Variants in TBC1D5 observed in about 807,000 individuals in gnomAD.
TBC1D5 encodes the protein TBC1 domain family, member 5.
TBC1D5 carries 75 observed loss-of-function variants against 100.3 expected under a neutral mutation model. That is an observed-to-expected ratio of 0.75 (90% CI 0.62 to 0.91). The LOEUF (loss-of-function observed/expected upper bound fraction) is 0.91. Among genes scored for constraint, TBC1D5 ranks in the 40% least tolerant of loss-of-function variants. TBC1D5 has a pLI of 0.00. For missense variants in TBC1D5, 910 were observed against 942.4 expected (o/e 0.97, Z 0.45); for synonymous variants, 323 against 325.6 (o/e 0.99, Z 0.09).
chr3:17,565,812 A>G (rs2096590061), intron 2 of TBC1D5, among the ~76,000 whole-genome samples: 1 of 152,056 alleles, frequency 6.6e-6, no homozygotes, highest in Non-Finnish European at 1.5e-5. Flanking sequence ...ACATTTTCAC[A>G]AAGGGAAGAA....
Position 17,527,120 on chromosome 3 carries a change from G to A in TBC1D5, c.-35-18515C>T, listed in dbSNP as rs371641448. Among the ~76,000 whole-genome samples, 17 of 152,256 alleles carry A rather than the reference G, an allele frequency of 1.1e-4. No homozygotes were observed. The East Asian group carries it at 1.2e-3, about 10-fold the overall frequency. On this transcript the variant is annotated intron_variant, in intron 2 of 21. Transcript: ENST00000253692. The stretch of plus-strand genomic sequence containing the variant: ...ACAGTAAGACAAGGATAAAGAGTTC[G>A]CATATCAAGTAGCAACAACACATGA...
intron 21 of TBC1D5, among the ~76,000 whole-genome samples, chr3:17,163,512 C>T (rs916942577): frequency 7.9e-5 from 12 of 152,318 alleles, no homozygotes; most frequent in African/African-American, 2.6e-4. Context: ...TTACCCAATA[C>T]AGGTAAGTCT....
intron 18 of TBC1D5, among the ~76,000 whole-genome samples, chr3:17,189,043 GTTA>G (rs1317718199): frequency 6.6e-6 from 1 of 152,174 alleles, no homozygotes; most frequent in African/African-American, 2.4e-5. Flanking sequence ...ATTTTTCTCA[GTTA>G]TTAGCTGTAT....
At chr3:17,437,313 C>A (rs2094553322) in intron 3 of TBC1D5, among the ~76,000 whole-genome samples, 1 of 152,104 alleles carries the variant, frequency 6.6e-6, no homozygotes. Flanking sequence ...TAAGATAACA[C>A]ATAATAACAC....
intron 3 of TBC1D5, among the ~76,000 whole-genome samples, chr3:17,449,524 C>G (rs2094877188): frequency 6.6e-6 from 1 of 152,170 alleles, no homozygotes; most frequent in African/African-American, 2.4e-5. Context: ...CTGAAGTCGA[C>G]CTGGGATACT....
chr3:17,355,963 A>G (rs2091179566), intron 13 of TBC1D5, among the ~76,000 whole-genome samples: 1 of 152,198 alleles, frequency 6.6e-6, no homozygotes, highest in African/African-American at 2.4e-5. Context: ...TTTGAGGAAT[A>G]ATGGTAAATT....
At chr3:17,557,274 T>C (rs147623505) in intron 2 of TBC1D5, among the ~76,000 whole-genome samples, 1 of 152,128 alleles carries the variant, frequency 6.6e-6, no homozygotes, top group Non-Finnish European at 1.5e-5. Context: ...GCCTTTCTCC[T>C]ATGGGAGAAA....
At chr3:17,256,670 T>C (rs922621533) in intron 16 of TBC1D5, among the ~76,000 whole-genome samples, 3 of 152,282 alleles carry the variant, frequency 2.0e-5, no homozygotes, top group East Asian at 1.9e-4. Flanking sequence ...CCAGTCATCA[T>C]TGTCCTAGGT....
At chr3:17,722,115 C>A (rs747289968) in intron 1 of TBC1D5, among the ~76,000 whole-genome samples, 1 of 152,142 alleles carries the variant, frequency 6.6e-6, no homozygotes, top group Non-Finnish European at 1.5e-5. Context: ...CTGATATTTT[C>A]TTGCCTTCAA....
intron 8 of TBC1D5, among the ~76,000 whole-genome samples, chr3:17,394,071 C>CTT (rs2093432629): frequency 6.6e-6 from 1 of 152,074 alleles, no homozygotes; most frequent in Admixed American, 6.6e-5. Context: ...CAGGGATCTG[C>CTT]TAAACATCCT....
exon 22 of TBC1D5, chr3:17,160,957 C>T (rs1482923697): frequency 1.2e-6 from 2 of 1,611,280 alleles, no homozygotes; most frequent in East Asian, 2.2e-5. Context: ...GGACTGGGCA[C>T]TGTGGTCAGA....
chr3:17,161,421 C>T (rs912077425), intron 21 of TBC1D5, among the ~76,000 whole-genome samples, 165 bp from the exon 23 acceptor site: 5 of 152,246 alleles, frequency 3.3e-5, no homozygotes, highest in Admixed American at 1.3e-4. Flanking sequence ...GAAGCCCACA[C>T]GTTTACCAGT....
At chr3:17,491,850 G>A (rs1270239169) in intron 3 of TBC1D5, among the ~76,000 whole-genome samples, 1 of 152,104 alleles carries the variant, frequency 6.6e-6, no homozygotes. Context: ...TTTTCAACTG[G>A]AATAGTTTCA....
intron 1 of TBC1D5, among the ~76,000 whole-genome samples, chr3:17,653,777 A>G (rs1188256044): frequency 1.3e-5 from 2 of 152,160 alleles, no homozygotes; most frequent in South Asian, 2.1e-4. Flanking sequence ...GGAGAAGGGT[A>G]CTATTTCTGC....
At chr3:17,595,349 C>T (rs2060495418) in intron 2 of TBC1D5, among the ~76,000 whole-genome samples, 1 of 152,182 alleles carries the variant, frequency 6.6e-6, no homozygotes, top group Admixed American at 6.5e-5. Flanking sequence ...TGGAGGCCCA[C>T]ATTCTCTTCC....
chr3:17,702,282 G>A (rs970566736), intron 1 of TBC1D5: 1 of 152,016 alleles, frequency 6.6e-6, no homozygotes, highest in African/African-American at 2.4e-5. Context: ...GAAATCAAAT[G>A]TAAATTCAAA....
chr3:17,421,294 A>G (rs2094201370), intron 4 of TBC1D5, among the ~76,000 whole-genome samples: 1 of 152,226 alleles, frequency 6.6e-6, no homozygotes, highest in South Asian at 2.1e-4. Context: ...TTTCTAAAAA[A>G]CAAAAAGGCT....
chr3:17,587,793 G>C (rs544093793), intron 2 of TBC1D5, among the ~76,000 whole-genome samples: 27 of 151,770 alleles, frequency 1.8e-4, no homozygotes, highest in South Asian at 1.0e-3. Flanking sequence ...ACATTTTTTC[G>C]TGTATGGCTG....
chr3:17,637,056 C>A (rs2064014532), intron 1 of TBC1D5, among the ~76,000 whole-genome samples: 1 of 149,998 alleles, frequency 6.7e-6, no homozygotes, highest in South Asian at 2.1e-4. Context: ...GAGTGTCACT[C>A]TGTCGCCCAG....
Sources: allele counts gnomAD v4.1 joint callset (sites outside exome capture counted in the v4.1 genomes callset), GRCh38; gene constraint gnomAD v4.1.1; transcripts MANE v1.5; gene names NCBI Gene and HGNC (gene_info 2026-07-23, HGNC 2026-07-21).